NME7: variants seen among roughly 807,000 people sequenced by gnomAD.
NME7 encodes the protein nucleoside diphosphate kinase 7.
In NME7, 41 loss-of-function variants were observed where a neutral mutation model predicts 49.1. The ratio of observed to expected loss-of-function variants is 0.83; its 90% confidence interval spans 0.65 to 1.08. NME7 has a LOEUF of 1.08. NME7 is among the 50% of genes least tolerant of loss of function. The pLI, the probability that NME7 is intolerant of heterozygous loss-of-function variation, is 0.00. For missense variants in NME7, 423 were observed against 463.4 expected, an observed-to-expected ratio of 0.91 and a Z score of 0.80; for synonymous variants, 139 against 150.6, an observed-to-expected ratio of 0.92 and a Z score of 0.56.
intron 1 of NME7, among the ~76,000 whole-genome samples, chr1:169,360,948 C>T (rs1257575285): frequency 6.6e-6 from 1 of 152,188 alleles, no homozygotes; most frequent in Non-Finnish European, 1.5e-5. Flanking sequence ...TCAGATCACT[C>T]TATTTTATTA....
intron 10 of NME7, among the ~76,000 whole-genome samples, chr1:169,187,257 G>A (rs1044176475): frequency 6.6e-5 from 10 of 152,010 alleles, no homozygotes; most frequent in Non-Finnish European, 1.2e-4. Context: ...GATGTCTATT[G>A]GGTCTGCTTG....
Position 169,276,727 on chromosome 1 carries a change from A to G in NME7, c.754+10576T>C, listed in dbSNP as rs1478108630. Among the ~76,000 whole-genome samples, 2 of 132,636 alleles carry G rather than the reference A, an allele frequency of 1.5e-5. 1 individual carries two copies. Among genetic ancestry groups the G allele is most frequent in the Non-Finnish European group, 3.5e-5 (2 of 56,642 alleles). The allele number at this position is 132,636 out of a possible 152,430, so 87.0% of individuals were successfully genotyped here. ...TCTTAGTTATTTCTTGCCTTCTGCT[A>G]GCTTTTGAATGTTGTTTGCTCTTGC... On this transcript the variant is annotated intron_variant, in intron 7 of 11. Transcript: ENST00000367811.
chr1:169,323,091 A>T (rs970173289), intron 3 of NME7, 26 bp downstream of exon 3: 2 of 1,494,560 alleles, frequency 1.3e-6, no homozygotes, highest in African/African-American at 2.8e-5. Context: ...AGAGCATGTA[A>T]AAAGATTATA....
chr1:169,230,904 C>T, intron 9 of NME7, 85 bp from the exon 10 acceptor site: 1 of 824,566 alleles, frequency 1.2e-6, no homozygotes, highest in Non-Finnish European at 1.8e-6. Flanking sequence ...CCACTAATGT[C>T]CTTAAAGTCA....
intron 11 of NME7, among the ~76,000 whole-genome samples, chr1:169,137,610 C>A (rs1463525899): frequency 6.6e-6 from 1 of 152,150 alleles, no homozygotes; most frequent in African/African-American, 2.4e-5. Flanking sequence ...TGGCAAGAGG[C>A]AGCTACCAGT....
At chr1:169,164,721 C>T (rs565409663) in intron 11 of NME7, among the ~76,000 whole-genome samples, 1 of 152,280 alleles carries the variant, frequency 6.6e-6, no homozygotes, top group East Asian at 1.9e-4. Flanking sequence ...TGTTAATGAT[C>T]ACAAATACTC....
At chr1:169,359,826 C>T (rs1470871436) in intron 1 of NME7, among the ~76,000 whole-genome samples, 1 of 152,026 alleles carries the variant, frequency 6.6e-6, no homozygotes, top group African/African-American at 2.4e-5. Flanking sequence ...GAAGAAGGCA[C>T]AGCACATAAG....
At chr1:169,299,444 T>C (rs1650845473) in intron 5 of NME7, among the ~76,000 whole-genome samples, 1 of 152,208 alleles carries the variant, frequency 6.6e-6, no homozygotes, top group South Asian at 2.1e-4. Flanking sequence ...TTTTATTTTC[T>C]ACTTTTATAT....
chr1:169,194,363 A>G (rs1348640380), intron 10 of NME7, among the ~76,000 whole-genome samples: 1 of 152,122 alleles, frequency 6.6e-6, no homozygotes, highest in African/African-American at 2.4e-5. Context: ...AACACACCAA[A>G]CCAAAATGGA....
At chr1:169,288,848 A>G (rs1015191430) in intron 6 of NME7, among the ~76,000 whole-genome samples, 34 of 152,158 alleles carry the variant, frequency 2.2e-4, no homozygotes, top group Non-Finnish European at 4.7e-4. Context: ...TTTATGGTAC[A>G]GATGAAAATT....
intron 9 of NME7, among the ~76,000 whole-genome samples, chr1:169,234,031 T>C (rs548424138): frequency 6.6e-6 from 1 of 152,162 alleles, no homozygotes; most frequent in African/African-American, 2.4e-5. Flanking sequence ...CCACTGAAAA[T>C]AGACATACAA....
intron 11 of NME7, among the ~76,000 whole-genome samples, chr1:169,153,627 C>T (rs9887854): frequency 0.38 from 57,449 of 151,980 alleles, 11,341 homozygotes; most frequent in East Asian, 0.74. Context: ...GTAACATTCT[C>T]TTATGCTGGT....
intron 7 of NME7, chr1:169,284,385 G>A (rs1360052473): frequency 6.6e-6 from 1 of 151,960 alleles, no homozygotes; most frequent in African/African-American, 2.4e-5. Flanking sequence ...GTGCATGAAT[G>A]TCTTCTTTTG....
rs72706937 is a variant in NME7, at chr1:169,206,735, T to C, written c.990+23983A>G. Among the ~76,000 whole-genome samples the C allele has an allele frequency of 1.6e-3, 226 of 145,706 alleles. 1 individual carries two copies. The highest frequency in any genetic ancestry group is 2.5e-3 in the Non-Finnish European group (165 of 65,904). Reference sequence around the variant, plus strand: ...GATATAATGTACATATTTATTAAAATGTAGCAGCTGATTTAATAACTCTTA... The same window carrying C: ...GATATAATGTACATATTTATTAAAACGTAGCAGCTGATTTAATAACTCTTA... On this transcript the variant is annotated intron_variant, in intron 10 of 11. Coordinates refer to ENST00000367811, the MANE Select transcript of NME7 (RefSeq NM_013330.5).
chr1:169,221,533 G>A (rs1353017638), intron 10 of NME7, among the ~76,000 whole-genome samples: 1 of 151,794 alleles, frequency 6.6e-6, no homozygotes, highest in Admixed American at 6.6e-5. Context: ...CAGCATGGCT[G>A]GCTTTTTCAA....
intron 9 of NME7, among the ~76,000 whole-genome samples, chr1:169,233,298 C>T (rs2101822916): frequency 6.6e-6 from 1 of 152,076 alleles, no homozygotes; most frequent in Admixed American, 6.5e-5. Flanking sequence ...CTCATAGTGT[C>T]TAGAACACTC....
intron 3 of NME7, among the ~76,000 whole-genome samples, chr1:169,312,558 T>A (rs1252498326): frequency 6.6e-6 from 1 of 152,232 alleles, no homozygotes; most frequent in Non-Finnish European, 1.5e-5. Context: ...ACACGGTAAC[T>A]ACTTCTTGTG....
At chr1:169,285,093 G>A (rs755449278) in intron 7 of NME7, 1 of 152,044 alleles carries the variant, frequency 6.6e-6, no homozygotes, top group Non-Finnish European at 1.5e-5. Flanking sequence ...GTGTGTACAG[G>A]TTGAATATTC....
intron 10 of NME7, among the ~76,000 whole-genome samples, chr1:169,183,227 A>G (rs1430757022): frequency 1.3e-5 from 2 of 152,254 alleles, no homozygotes; most frequent in African/African-American, 2.4e-5. Context: ...TGAGATATTA[A>G]GACTATTCCC....
Sources: gnomAD v4.1 joint callset for allele counts (sites outside exome capture counted in the v4.1 genomes callset) on GRCh38, gnomAD v4.1.1 for gene constraint, MANE v1.5 for transcripts, NCBI Gene and HGNC (gene_info 2026-07-23, HGNC 2026-07-21) for gene names.